ZC3H12B: variants seen among roughly 807,000 people sequenced by gnomAD.
ZC3H12B encodes the protein probable ribonuclease ZC3H12B.
A neutral mutation model predicts 43.9 loss-of-function variants in ZC3H12B; 7 were observed. That is an observed-to-expected ratio of 0.16 (90% CI 0.09 to 0.30). The LOEUF is 0.30. Among genes scored for constraint, ZC3H12B ranks in the 10% least tolerant of loss-of-function variants. The pLI is 1.00. For synonymous variants in ZC3H12B, 222 were observed against 241.7 expected (o/e 0.92, Z 0.76); for missense variants, 475 against 670.2 (o/e 0.71, Z 3.22).
At chrX:65,108,470 G>T in the ZC3H12B span, among the ~76,000 whole-genome samples, 4 of 108,199 alleles carry the variant, frequency 3.7e-5, no homozygotes, top group Non-Finnish European at 7.7e-5. Flanking sequence ...ATTAGCGTAG[G>T]CCAACGCAGG....
chrX:65,212,005 A>G, the ZC3H12B span, among the ~76,000 whole-genome samples: 4 of 67,139 alleles, frequency 6.0e-5, no homozygotes, highest in African/African-American at 2.5e-4. Flanking sequence ...TGTTATGTAT[A>G]CTATATAATA....
the ZC3H12B span, among the ~76,000 whole-genome samples, chrX:65,320,296 A>T: frequency 1.8e-5 from 2 of 111,521 alleles, no homozygotes; most frequent in South Asian, 7.4e-4. Context: ...TCCATTCACA[A>T]CTTCCACAAA....
the ZC3H12B span, among the ~76,000 whole-genome samples, chrX:65,268,772 G>A: frequency 8.7e-4 from 97 of 111,465 alleles, no homozygotes; most frequent in African/African-American, 3.1e-3. Context: ...GGCCATATAT[G>A]AAAAACCTAC....
the ZC3H12B span, among the ~76,000 whole-genome samples, chrX:65,229,075 A>G: frequency 9.0e-6 from 1 of 110,548 alleles, no homozygotes; most frequent in African/African-American, 3.3e-5. Flanking sequence ...CACATCGCCA[A>G]GTCAATCCTA....
chrX:65,400,517 T>G (rs1350890837), intron 3 of ZC3H12B, among the ~76,000 whole-genome samples: 1 of 112,163 alleles, frequency 8.9e-6, no homozygotes, highest in African/African-American at 3.2e-5. Flanking sequence ...TAACAAATTG[T>G]ATTGAATTCA....
chrX:65,448,148 T>C (rs781660086), intron 3 of ZC3H12B, among the ~76,000 whole-genome samples: 6 of 110,284 alleles, frequency 5.4e-5, no homozygotes, highest in Non-Finnish European at 1.1e-4. Context: ...GGCAGGAGAA[T>C]GGCGTGAACC....
At chrX:65,376,193 T>A (rs984848811) in intron 2 of ZC3H12B, among the ~76,000 whole-genome samples, 3 of 112,346 alleles carry the variant, frequency 2.7e-5, no homozygotes, top group East Asian at 5.6e-4. Flanking sequence ...GGTAATGGGC[T>A]GAGGCTCTGC....
At chrX:65,231,824 T>A in the ZC3H12B span, among the ~76,000 whole-genome samples, 7 of 111,833 alleles carry the variant, frequency 6.3e-5, no homozygotes, top group Non-Finnish European at 1.3e-4. Flanking sequence ...ACAATCAGAT[T>A]TCATATTGTT....
chrX:65,116,570 CT>C, the ZC3H12B span, among the ~76,000 whole-genome samples: 6 of 109,531 alleles, frequency 5.5e-5, no homozygotes, highest in South Asian at 7.8e-4. Flanking sequence ...GATTTTTTTT[CT>C]TTTTTTTATT....
the ZC3H12B span, among the ~76,000 whole-genome samples, chrX:65,252,512 A>G: frequency 2.7e-5 from 3 of 111,707 alleles, no homozygotes; most frequent in Non-Finnish European, 3.8e-5. Flanking sequence ...CCCCCTTTTT[A>G]CAGATGAGGA....
chrX:65,382,396 T>A (rs768432069), intron 2 of ZC3H12B, among the ~76,000 whole-genome samples: 107 of 110,878 alleles, frequency 9.7e-4, no homozygotes, highest in Admixed American at 8.4e-3. Context: ...TTGACAAAAT[T>A]CAACAACCCT....
intron 3 of ZC3H12B, among the ~76,000 whole-genome samples, chrX:65,433,397 A>G (rs899970601): frequency 9.0e-6 from 1 of 111,652 alleles, no homozygotes; most frequent in African/African-American, 3.3e-5. Context: ...AATGGCTTCC[A>G]TTTGGCCTTT....
chrX:65,384,571 C>T (rs183337938), intron 2 of ZC3H12B, among the ~76,000 whole-genome samples: 3 of 110,612 alleles, frequency 2.7e-5, no homozygotes, highest in Admixed American at 1.9e-4. Flanking sequence ...TAAAAGTTAA[C>T]CTTTTATGGT....
chrX:65,314,766 G>A, the ZC3H12B span, among the ~76,000 whole-genome samples: 1 of 111,077 alleles, frequency 9.0e-6, no homozygotes, highest in Non-Finnish European at 1.9e-5. Flanking sequence ...AATTTCCTTA[G>A]TGTATATATA....
chrX:65,063,173 C>A, the ZC3H12B span, among the ~76,000 whole-genome samples: 141 of 111,249 alleles, frequency 1.3e-3, no homozygotes, highest in East Asian at 8.8e-3. Flanking sequence ...GCCTGATTGC[C>A]CTGGTCAGAA....
chrX:65,045,983 G>T, the ZC3H12B span, among the ~76,000 whole-genome samples: 366 of 111,420 alleles, frequency 3.3e-3, 1 homozygote, highest in African/African-American at 0.012. Context: ...ATTTTCTTGG[G>T]AGCAGTAGGT....
At chrX:65,225,074 A>G in the ZC3H12B span, among the ~76,000 whole-genome samples, 4 of 111,798 alleles carry the variant, frequency 3.6e-5, no homozygotes, top group African/African-American at 1.3e-4. Context: ...CTGCCTCCTC[A>G]AGTGGGTCCC....
At chrX:65,093,222 G>A in the ZC3H12B span, among the ~76,000 whole-genome samples, 24 of 111,860 alleles carry the variant, frequency 2.1e-4, no homozygotes, top group Non-Finnish European at 4.1e-4. Context: ...GAAGATGTAT[G>A]GAAAAGCTTG....
the ZC3H12B span, among the ~76,000 whole-genome samples, chrX:65,148,490 G>A: frequency 9.0e-6 from 1 of 111,360 alleles, no homozygotes; most frequent in Non-Finnish European, 1.9e-5. Flanking sequence ...GTGTTGACAT[G>A]CGTCTGGAGA....
Sources: allele counts gnomAD v4.1 joint callset (sites outside exome capture counted in the v4.1 genomes callset), GRCh38; gene constraint gnomAD v4.1.1; transcripts MANE v1.5; gene names NCBI Gene and HGNC (gene_info 2026-07-23, HGNC 2026-07-21).